ABCA12: variants seen among roughly 807,000 people sequenced by gnomAD.
ABCA12 encodes ATP binding cassette subfamily A member 12, also known as glucosylceramide transporter ABCA12.
Under a neutral mutation model 293.5 loss-of-function variants are expected in ABCA12, and 156 were observed. That is an observed-to-expected ratio of 0.53 (90% confidence interval 0.47 to 0.61). The LOEUF (loss-of-function observed/expected upper bound fraction) is 0.61. Among genes scored for constraint, ABCA12 ranks in the 20% least tolerant of loss-of-function variants. The probability of loss-of-function intolerance (pLI) is 0.00; values close to 1 mark genes in which losing one functional copy is unlikely to be tolerated. For synonymous variants in ABCA12, 1,063 were observed against 1,108.0 expected (o/e 0.96, Z 0.81); for missense variants, 2,797 against 3,090.2 (o/e 0.91, Z 2.25).
intron 24 of ABCA12, among the ~76,000 whole-genome samples, chr2:214,990,405 C>T (rs1412259184): frequency 1.3e-4 from 20 of 152,110 alleles, no homozygotes; most frequent in Admixed American, 1.3e-3. Flanking sequence ...GGAATTGGTC[C>T]AGAGAGAAGT....
intron 1 of ABCA12, among the ~76,000 whole-genome samples, chr2:215,126,779 T>C (rs1702933106): frequency 6.6e-6 from 1 of 152,142 alleles, no homozygotes; most frequent in South Asian, 2.1e-4. Context: ...TGTAATTTTA[T>C]TTCAATATCA....
intron 38 of ABCA12, among the ~76,000 whole-genome samples, chr2:214,967,881 T>C (rs539042109): frequency 3.3e-5 from 5 of 152,136 alleles, no homozygotes; most frequent in Non-Finnish European, 7.4e-5. Flanking sequence ...GAAATATGTG[T>C]AGACAATTTT....
chr2:214,963,747 CT>C, intron 39 of ABCA12, among the ~76,000 whole-genome samples: 1 of 151,552 alleles, frequency 6.6e-6, no homozygotes, highest in East Asian at 1.9e-4. Context: ...TGGTGAAACC[CT>C]GTCTCTACTA....
intron 2 of ABCA12, among the ~76,000 whole-genome samples, chr2:215,097,684 C>G (rs887546611): frequency 2.0e-5 from 3 of 152,180 alleles, no homozygotes; most frequent in African/African-American, 7.2e-5. Flanking sequence ...ATTTAATACT[C>G]TTTGCACTAA....
chr2:214,970,624 T>C (rs1418150204), intron 36 of ABCA12, among the ~76,000 whole-genome samples: 1 of 152,096 alleles, frequency 6.6e-6, no homozygotes, highest in Non-Finnish European at 1.5e-5. Flanking sequence ...TCCCTATGTT[T>C]AGGACTCACT....
At chr2:214,952,686 C>G (rs16852981) in intron 44 of ABCA12, among the ~76,000 whole-genome samples, 20,184 of 152,174 alleles carry the variant, frequency 0.13, 1,937 homozygotes, top group African/African-American at 0.27. Context: ...TCATGTTTCT[C>G]TCTGTTCAAA....
At chr2:215,025,648 T>C (rs778606840) in intron 11 of ABCA12, 25 bp downstream of exon 11, 2 of 1,264,340 alleles carry the variant, frequency 1.6e-6, no homozygotes, top group East Asian at 5.1e-5. Context: ...TTGTTTTTTG[T>C]TTTTTTTTTA....
chr2:215,134,476 G>A (rs1489883394), intron 1 of ABCA12, among the ~76,000 whole-genome samples: 2 of 118,072 alleles, frequency 1.7e-5, no homozygotes, highest in South Asian at 2.4e-4. Flanking sequence ...ATGTGTATGT[G>A]TATATATACG....
intron 2 of ABCA12, among the ~76,000 whole-genome samples, chr2:215,079,649 A>G (rs1418789017): frequency 1.3e-5 from 2 of 152,224 alleles, no homozygotes; most frequent in Non-Finnish European, 1.5e-5. Context: ...ACTCAGGTCA[A>G]AATGAGCTGC....
chr2:215,108,807 T>C (rs904195308), intron 2 of ABCA12, among the ~76,000 whole-genome samples: 3 of 152,146 alleles, frequency 2.0e-5, no homozygotes, highest in East Asian at 1.9e-4. Context: ...CGGTGACTCA[T>C]GCCTGTAATC....
intron 39 of ABCA12, among the ~76,000 whole-genome samples, chr2:214,966,225 G>A (rs1699254727): frequency 6.6e-6 from 1 of 152,136 alleles, no homozygotes; most frequent in Admixed American, 6.5e-5. Flanking sequence ...ACACACACTG[G>A]GGCCTGTCAG....
chr2:214,951,023 A>G lies in ABCA12; in HGVS notation c.6708T>C (p.Asp2236=). The G allele has an allele frequency of 2.5e-6, 4 of 1,614,176 alleles. No individual in the cohort carries two copies. Residue 2236 remains aspartate (D), a synonymous_variant, in exon 45 of 53, where the codon GAT becomes GAC. Transcript: ENST00000272895. Reference sequence around the variant, plus strand: ...CAACTCTTAATCTCTCAGCCCGCACATCTTCATCCTCATCTATTGTCTCCC... The same window carrying G: ...CAACTCTTAATCTCTCAGCCCGCACGTCTTCATCCTCATCTATTGTCTCCC... ...HVRETIDEDE[D]VRAERLRVES... is the part of the protein sequence containing the mutation.
intron 28 of ABCA12, among the ~76,000 whole-genome samples, chr2:214,984,159 C>T (rs6749064): frequency 0.78 from 111,195 of 142,786 alleles, 45,415 homozygotes; most frequent in East Asian, 0.96. Context: ...TGCAGTGGCA[C>T]GATCTCAGCT....
intron 11 of ABCA12, 67 bp from the exon 12 acceptor site, chr2:215,019,863 A>G: frequency 6.4e-7 from 1 of 1,559,030 alleles, no homozygotes. Context: ...AGTAGTTGAT[A>G]ATAAGCAACC....
At chr2:215,114,657 G>A (rs139849032) in intron 1 of ABCA12, among the ~76,000 whole-genome samples, 10 of 152,318 alleles carry the variant, frequency 6.6e-5, no homozygotes, top group East Asian at 1.9e-4. Flanking sequence ...AATGTAAGAC[G>A]TGTTATTATT....
Position 215,002,573 on chromosome 2 carries a change from G to A in ABCA12, c.2684-836C>T, listed in dbSNP as rs115233429. Reference sequence around the variant, plus strand: ...AGAACCCAGACATGTCTCTTACATCGTCCAAAATAGGACTAAATTTCTCAC... The same window carrying A: ...AGAACCCAGACATGTCTCTTACATCATCCAAAATAGGACTAAATTTCTCAC... On this transcript the variant is annotated intron_variant, in intron 20 of 52. Coordinates refer to ENST00000272895, the MANE Select transcript of ABCA12 (RefSeq NM_173076.3). Among the ~76,000 whole-genome samples the A allele has an allele frequency of 7.9e-3, 1,196 of 152,198 alleles. 17 individuals are homozygous for A. Among genetic ancestry groups the A allele is most frequent in the African/African-American group, 0.027 (1,112 of 41,530 alleles).
At chr2:214,939,466 T>A (rs1698327206) in intron 50 of ABCA12, among the ~76,000 whole-genome samples, 1 of 152,210 alleles carries the variant, frequency 6.6e-6, no homozygotes, top group Non-Finnish European at 1.5e-5. Context: ...TGGTTCCAGA[T>A]GAAATTTAAA....
intron 20 of ABCA12, among the ~76,000 whole-genome samples, chr2:215,003,639 T>A (rs1700189839): frequency 6.6e-6 from 1 of 150,606 alleles, no homozygotes; most frequent in Non-Finnish European, 1.5e-5. Flanking sequence ...AGAAAAAAAC[T>A]GCATTTATAT....
intron 30 of ABCA12, among the ~76,000 whole-genome samples, chr2:214,981,092 A>G (rs185641836): frequency 0.023 from 3,405 of 145,470 alleles, 126 homozygotes; most frequent in African/African-American, 0.079. Flanking sequence ...CTCAAAGGGA[A>G]AAAAAAAAAA....
Sources: allele counts gnomAD v4.1 joint callset (sites outside exome capture counted in the v4.1 genomes callset), GRCh38; gene constraint gnomAD v4.1.1; transcripts MANE v1.5; gene names NCBI Gene and HGNC (gene_info 2026-07-23, HGNC 2026-07-21).